Variants in RNLS observed in about 807,000 individuals in gnomAD.
The protein encoded by RNLS is renalase, FAD dependent amine oxidase, also known as renalase.
A neutral mutation model predicts 39.8 loss-of-function variants in RNLS; 39 were observed. That is an observed-to-expected ratio of 0.98 (90% confidence interval 0.76 to 1.28). The LOEUF is 1.28. Among genes scored for constraint, RNLS ranks in the 50% most tolerant of loss-of-function variants. RNLS has a pLI of 0.00. For synonymous variants in RNLS, 147 were observed against 150.7 expected, an observed-to-expected ratio of 0.98 and a Z score of 0.18; for missense variants, 410 against 413.3, an observed-to-expected ratio of 0.99 and a Z score of 0.07.
chr10:88,454,726 T>G (rs1842536367), intron 4 of RNLS, among the ~76,000 whole-genome samples: 1 of 152,176 alleles, frequency 6.6e-6, no homozygotes, highest in South Asian at 2.1e-4. Flanking sequence ...TTATCAGACA[T>G]CTTTCCCCTG....
intron 4 of RNLS, among the ~76,000 whole-genome samples, chr10:88,464,518 T>C (rs899286204): frequency 4.6e-5 from 7 of 152,096 alleles, no homozygotes; most frequent in Non-Finnish European, 7.4e-5. Context: ...AAGTGACAAA[T>C]GATCTTAGAC....
chr10:88,324,695 A>G (rs1589555392), intron 5 of RNLS, among the ~76,000 whole-genome samples: 1 of 152,186 alleles, frequency 6.6e-6, no homozygotes, highest in Non-Finnish European at 1.5e-5. Context: ...AAATCTGCAC[A>G]GGTGCCACCT....
At chr10:88,430,874 A>G (rs1326107493) in intron 4 of RNLS, among the ~76,000 whole-genome samples, 1 of 151,732 alleles carries the variant, frequency 6.6e-6, no homozygotes, top group East Asian at 1.9e-4. Flanking sequence ...TTGTTGAATT[A>G]AATTTGCTAC....
chr10:88,444,649 A>G (rs1393462339), intron 4 of RNLS, among the ~76,000 whole-genome samples: 1 of 152,200 alleles, frequency 6.6e-6, no homozygotes, highest in Non-Finnish European at 1.5e-5. Context: ...GCTGAAAACC[A>G]TGGCACGAGA....
the RNLS span, among the ~76,000 whole-genome samples, chr10:88,194,095 G>A: frequency 5.3e-5 from 8 of 152,296 alleles, no homozygotes; most frequent in Non-Finnish European, 1.2e-4. Context: ...TATCTTTTGG[G>A]CATGTGGAAA....
At chr10:88,204,050 A>G in the RNLS span, among the ~76,000 whole-genome samples, 51 of 152,086 alleles carry the variant, frequency 3.4e-4, no homozygotes, top group Non-Finnish European at 5.4e-4. Context: ...ATGAAGTTAC[A>G]CCAAGCCAGT....
intron 4 of RNLS, among the ~76,000 whole-genome samples, chr10:88,405,184 T>C (rs1195529927): frequency 6.6e-6 from 1 of 152,068 alleles, no homozygotes; most frequent in Non-Finnish European, 1.5e-5. Flanking sequence ...GTGATTTACA[T>C]TCAAATCTCA....
At chr10:88,197,922 GAGTA>G in the RNLS span, among the ~76,000 whole-genome samples, 1 of 152,222 alleles carries the variant, frequency 6.6e-6, no homozygotes, top group Non-Finnish European at 1.5e-5. Context: ...CCAGAAATGT[GAGTA>G]AGTAAGTTTC....
intron 4 of RNLS, among the ~76,000 whole-genome samples, chr10:88,377,200 C>T (rs967881396): frequency 4.7e-5 from 7 of 149,940 alleles, no homozygotes; most frequent in Middle Eastern, 3.2e-3. Context: ...GTGTGTGTGT[C>T]GCATGCATGC....
chr10:88,319,313 G>A (rs1378728864), intron 5 of RNLS, among the ~76,000 whole-genome samples: 5 of 151,988 alleles, frequency 3.3e-5, no homozygotes, highest in South Asian at 4.1e-4. Flanking sequence ...AAAAATAAAC[G>A]TGACAGATCC....
chr10:88,198,763 C>T, the RNLS span, among the ~76,000 whole-genome samples: 2 of 152,120 alleles, frequency 1.3e-5, no homozygotes, highest in Non-Finnish European at 2.9e-5. Context: ...TTTCTGAGGC[C>T]TCCCCAGCCA....
the RNLS span, among the ~76,000 whole-genome samples, chr10:88,235,906 A>G: frequency 6.6e-6 from 1 of 151,458 alleles, no homozygotes; most frequent in African/African-American, 2.4e-5. Context: ...ATCGCTGCTT[A>G]CTCTAGCCTC....
chr10:88,522,033 A>G (rs991485230), intron 4 of RNLS, among the ~76,000 whole-genome samples: 1 of 152,074 alleles, frequency 6.6e-6, no homozygotes, highest in African/African-American at 2.4e-5. Flanking sequence ...GGCTGGTACT[A>G]TACCAGAACT....
chr10:88,235,132 G>A, the RNLS span, among the ~76,000 whole-genome samples: 2 of 151,874 alleles, frequency 1.3e-5, no homozygotes, highest in Admixed American at 1.3e-4. Flanking sequence ...CGTCGGGGTG[G>A]TGGCGGGTGC....
At chr10:88,572,324 C>T (rs1849885614) in intron 4 of RNLS, among the ~76,000 whole-genome samples, 1 of 152,104 alleles carries the variant, frequency 6.6e-6, no homozygotes, top group Non-Finnish European at 1.5e-5. Flanking sequence ...AATGCTAAAC[C>T]AACTGCAGTA....
At chr10:88,477,831 C>T (rs1017753921) in intron 4 of RNLS, among the ~76,000 whole-genome samples, 3 of 152,152 alleles carry the variant, frequency 2.0e-5, no homozygotes, top group Non-Finnish European at 4.4e-5. Context: ...AGAGCAGGAG[C>T]TGATATGGCC....
chr10:88,578,396 A>G (rs1371912854), intron 3 of RNLS, among the ~76,000 whole-genome samples: 1 of 152,136 alleles, frequency 6.6e-6, no homozygotes, highest in African/African-American at 2.4e-5. Context: ...TATAGTGTGG[A>G]AAAACCAAAA....
chr10:88,221,430 G>T, the RNLS span, among the ~76,000 whole-genome samples: 8 of 152,248 alleles, frequency 5.3e-5, no homozygotes, highest in East Asian at 1.5e-3. Context: ...CTGGGGGATG[G>T]TTATTTCCCA....
chr10:88,501,224 T>C (rs1428825357), intron 4 of RNLS, among the ~76,000 whole-genome samples: 3 of 152,132 alleles, frequency 2.0e-5, no homozygotes, highest in Non-Finnish European at 4.4e-5. Flanking sequence ...TGGGGATATA[T>C]ACATGATCAA....
Sources: gnomAD v4.1 joint callset for allele counts (sites outside exome capture counted in the v4.1 genomes callset) on GRCh38, gnomAD v4.1.1 for gene constraint, MANE v1.5 for transcripts, NCBI Gene and HGNC (gene_info 2026-07-23, HGNC 2026-07-21) for gene names.